Variants in CRACDL observed in about 807,000 individuals in gnomAD.
CRACDL encodes CRACD like.
Under a neutral mutation model 70.6 loss-of-function variants are expected in CRACDL, and 26 were observed. The ratio of observed to expected loss-of-function variants is 0.37; its 90% CI spans 0.27 to 0.51. The LOEUF (loss-of-function observed/expected upper bound fraction) is 0.51. CRACDL is among the 20% of genes least tolerant of loss of function. The pLI is 0.94. For synonymous variants in CRACDL, 618 were observed against 615.2 expected, an observed-to-expected ratio of 1.00 and a Z score of -0.07; for missense variants, 1,283 against 1,376.9, an observed-to-expected ratio of 0.93 and a Z score of 1.08.
chr2:98,878,837 T>C (rs1399008865), intron 1 of CRACDL, among the ~76,000 whole-genome samples: 1 of 152,216 alleles, frequency 6.6e-6, no homozygotes, highest in Non-Finnish European at 1.5e-5. Flanking sequence ...ATGGCTTTCA[T>C]ACCATCGTGA....
At chr2:98,912,539 T>C (rs1299638124) in intron 1 of CRACDL, among the ~76,000 whole-genome samples, 2 of 152,238 alleles carry the variant, frequency 1.3e-5, no homozygotes, top group Admixed American at 6.5e-5. Context: ...ATCGGGCTTG[T>C]GCTCAGCTCA....
intron 1 of CRACDL, among the ~76,000 whole-genome samples, chr2:98,871,310 T>C (rs1707337763): frequency 6.6e-6 from 1 of 152,236 alleles, no homozygotes; most frequent in Non-Finnish European, 1.5e-5. Flanking sequence ...CCTGGGCTCA[T>C]TTTCATTCAG....
rs186379442 is a variant in CRACDL, at chr2:98,794,180, T to C, written c.*352A>G. ...CCTTCTCCTAGAAGGGCTTCTCTTC[T>C]GGCCTTTGCTGGGTGTCCTATTTAT... On this transcript the variant is annotated 3_prime_UTR_variant, in exon 10 of 10. Transcript: ENST00000397899. 32 of 172,820 alleles carry C rather than the reference T, an allele frequency of 1.9e-4. No individual in the cohort carries two copies. The highest frequency in any genetic ancestry group is 2.6e-4 in the Non-Finnish European group (21 of 81,292). 10.7% of individuals were successfully genotyped at this position (172,820 alleles called of 1,614,324 possible). A position where few individuals can be genotyped will look rare whatever the true frequency, so the allele number is the denominator to read the frequency against.
intron 1 of CRACDL, among the ~76,000 whole-genome samples, chr2:98,901,184 G>A (rs1232337634): frequency 6.6e-6 from 1 of 152,166 alleles, no homozygotes; most frequent in Non-Finnish European, 1.5e-5. Context: ...CTCTTTGCAG[G>A]GTTGTTGAGA....
chr2:98,916,424 G>T (rs1461610339), intron 1 of CRACDL, among the ~76,000 whole-genome samples: 2 of 152,112 alleles, frequency 1.3e-5, no homozygotes, highest in African/African-American at 2.4e-5. Flanking sequence ...GGTTTCACAG[G>T]TATATACATA....
chr2:98,915,889 G>A (rs1708652596), intron 1 of CRACDL, among the ~76,000 whole-genome samples: 2 of 152,154 alleles, frequency 1.3e-5, no homozygotes, highest in South Asian at 2.1e-4. Flanking sequence ...ATGCTTTCTA[G>A]GCAGCTTGAG....
At chr2:98,815,136 T>C (rs1704729861) in intron 7 of CRACDL, among the ~76,000 whole-genome samples, 1 of 152,210 alleles carries the variant, frequency 6.6e-6, no homozygotes, top group African/African-American at 2.4e-5. Context: ...TGCTTTAAAG[T>C]CTTTGTCTAA....
intron 7 of CRACDL, among the ~76,000 whole-genome samples, chr2:98,806,828 C>T (rs557072760): frequency 6.6e-6 from 1 of 152,342 alleles, no homozygotes; most frequent in Non-Finnish European, 1.5e-5. Context: ...GTCTCCCCAT[C>T]TCAGATCTCC....
chr2:98,904,442 C>T (rs911874790), intron 1 of CRACDL, among the ~76,000 whole-genome samples: 2 of 152,228 alleles, frequency 1.3e-5, no homozygotes. Flanking sequence ...TGATGAGCCA[C>T]CACATATGGG....
At chr2:98,795,078 T>TATATATATATATATATATATA (rs1461039601) in intron 9 of CRACDL, among the ~76,000 whole-genome samples, 1 of 18,274 alleles carries the variant, frequency 5.5e-5, no homozygotes, top group African/African-American at 1.1e-4. Flanking sequence ...TATATATATA[T>TATATATATATATATATATATA]TTTTTTTTTT....
At chr2:98,809,350 T>C (rs1176868341) in intron 7 of CRACDL, among the ~76,000 whole-genome samples, 1 of 151,956 alleles carries the variant, frequency 6.6e-6, no homozygotes, top group East Asian at 1.9e-4. Flanking sequence ...CTTCTCATTG[T>C]CCCCTTGTCC....
At chr2:98,826,897 G>A (rs1705323382) in intron 6 of CRACDL, 78 bp downstream of exon 6, 3 of 1,054,960 alleles carry the variant, frequency 2.8e-6, no homozygotes, top group Admixed American at 4.1e-5. Flanking sequence ...GTGGGGGAGT[G>A]AGGCAGGTTG....
chr2:98,800,847 C>A (rs1244241526), intron 7 of CRACDL, among the ~76,000 whole-genome samples: 1 of 152,210 alleles, frequency 6.6e-6, no homozygotes, highest in Non-Finnish European at 1.5e-5. Flanking sequence ...TTCCTTACAT[C>A]AGGAGCATGC....
intron 1 of CRACDL, among the ~76,000 whole-genome samples, chr2:98,892,681 C>T (rs1573156591): frequency 6.6e-6 from 1 of 151,046 alleles, no homozygotes. Context: ...AAGAGTGAGG[C>T]TCAGTCTCAA....
intron 1 of CRACDL, among the ~76,000 whole-genome samples, chr2:98,891,449 G>T (rs1001933197): frequency 6.7e-6 from 1 of 149,774 alleles, no homozygotes; most frequent in African/African-American, 2.5e-5. Flanking sequence ...TTGGATTTGG[G>T]ATGGTCAACC....
chr2:98,925,290 G>C (rs1386789195), intron 1 of CRACDL, among the ~76,000 whole-genome samples: 1 of 152,226 alleles, frequency 6.6e-6, no homozygotes, highest in Non-Finnish European at 1.5e-5. Context: ...ACTTGCCCAA[G>C]AGTGTTCACC....
chr2:98,825,994 G>A (rs1222024706), intron 6 of CRACDL, among the ~76,000 whole-genome samples: 1 of 152,200 alleles, frequency 6.6e-6, no homozygotes. Context: ...GGGAAGGACA[G>A]AGGACATTAG....
chr2:98,846,654 C>T lies in CRACDL; in HGVS notation c.70+77G>A, dbSNP rs1706266856. On this transcript the variant is annotated intron_variant, in intron 2 of 9. Transcript: ENST00000397899. ...CTTTTCATACAGAAAGCCCCAAAGG[C>T]CTGCCTCTGTCAGTCCCTCTCCCTG... 32 of 1,235,094 alleles carry T rather than the reference C, an allele frequency of 2.6e-5. No individual in the cohort carries two copies. In the South Asian group the frequency reaches 3.4e-4, roughly 13 times the overall value. The allele number at this position is 1,235,094 out of a possible 1,614,324, so 76.5% of individuals were successfully genotyped here.
chr2:98,826,311 A>T (rs967640589), intron 6 of CRACDL, among the ~76,000 whole-genome samples: 13 of 152,184 alleles, frequency 8.5e-5, no homozygotes, highest in African/African-American at 2.9e-4. Flanking sequence ...AGCTTCTTTC[A>T]TTCACTCATT....
Sources: allele counts gnomAD v4.1 joint callset (sites outside exome capture counted in the v4.1 genomes callset), GRCh38; gene constraint gnomAD v4.1.1; transcripts MANE v1.5; gene names NCBI Gene and HGNC (gene_info 2026-07-23, HGNC 2026-07-21).